Variants in CCT6B observed in about 807,000 individuals in gnomAD.
CCT6B encodes the protein probable T-complex protein 1 subunit zeta-2.
CCT6B carries 49 observed loss-of-function variants against 61.5 expected under a neutral mutation model. That is an observed-to-expected ratio of 0.80 (90% CI 0.63 to 1.01). The LOEUF (loss-of-function observed/expected upper bound fraction) is 1.01. CCT6B is among the 50% of genes least tolerant of loss of function. The probability of loss-of-function intolerance (pLI) is 0.00; values close to 1 mark genes in which losing one functional copy is unlikely to be tolerated. For missense variants in CCT6B, 666 were observed against 634.7 expected (o/e 1.05, Z -0.53); for synonymous variants, 228 against 214.5 (o/e 1.06, Z -0.55).
At chr17:34,930,418 A>G (rs1185145951) in intron 12 of CCT6B, among the ~76,000 whole-genome samples, 1 of 152,116 alleles carries the variant, frequency 6.6e-6, no homozygotes, top group Non-Finnish European at 1.5e-5. Flanking sequence ...CCTCAGAAAC[A>G]TCAGACACTG....
At chr17:34,934,134 GAAAAAAAAA>G (rs1280861242) in intron 10 of CCT6B, among the ~76,000 whole-genome samples, 1 of 75,824 alleles carries the variant, frequency 1.3e-5, no homozygotes, top group African/African-American at 4.9e-5. Flanking sequence ...GTTTCAAAAA[GAAAAAAAAA>G]AAAAAAAAAC....
chr17:34,932,568 A>C, intron 10 of CCT6B, 68 bp from the exon 11 acceptor site: 1 of 1,408,648 alleles, frequency 7.1e-7, no homozygotes, highest in Non-Finnish European at 9.6e-7. Flanking sequence ...AGAGACAGAA[A>C]AGCAATTCAC....
Position 34,954,419 on chromosome 17 carries a change from A to C in CCT6B, c.510+7T>G. The C allele has an allele frequency of 6.3e-7, 1 of 1,589,250 alleles. No individual in the cohort carries two copies. Among genetic ancestry groups the C allele is most frequent in the East Asian group, 2.3e-5 (1 of 44,158 alleles). ...TTTGTTCTGAATGCAAAAGTTTAAT[A>C]ACATACCTCTGTTAAGACATCAGCC... On this transcript the variant is annotated splice_region_variant and intron_variant, in intron 4 of 13. Coordinates refer to ENST00000314144, the MANE Select transcript of CCT6B (RefSeq NM_006584.4).
At chr17:34,933,373 T>C (rs2090058306) in intron 10 of CCT6B, among the ~76,000 whole-genome samples, 1 of 152,210 alleles carries the variant, frequency 6.6e-6, no homozygotes, top group African/African-American at 2.4e-5. Context: ...TTTATGACTC[T>C]TATTTAAATC....
intron 2 of CCT6B, 143 bp downstream of exon 2, chr17:34,959,444 T>C (rs574720920): frequency 2.1e-5 from 12 of 576,504 alleles, no homozygotes; most frequent in Admixed American, 9.5e-5. Context: ...AAAATTTTTT[T>C]ATTGAGGTCT....
Position 34,961,318 on chromosome 17 carries a change from C to T in CCT6B, c.76G>A (p.Ala26Thr). ...AGCACATCCTGCAGCCCTCGGGCGG[C>T]GCATATATTGACAGCCAAAGCTGCC... The part of the protein sequence containing the change: ...ARAALAVNIC[A>T]ARGLQDVLRT... Residue 26 changes from alanine to threonine, a missense_variant, in exon 1 of 14, where the codon GCC (alanine) becomes ACC (threonine). By Grantham distance (58) the Ala-to-Thr change is moderately conservative. Transcript: ENST00000314144. 6.2e-7 allele frequency: 1 copy of T among 1,613,084 alleles called. No homozygotes were observed.
chr17:34,930,480 ACATGGCTAATTTCCT>A (rs1176453932), intron 12 of CCT6B, among the ~76,000 whole-genome samples: 14 of 152,114 alleles, frequency 9.2e-5, no homozygotes, highest in African/African-American at 3.1e-4. Context: ...CCAGTTGCCT[ACATGGCTAATTTCCT>A]CACTTCCTTC....
chr17:34,928,080 T>C lies in CCT6B; in HGVS notation c.1561A>G (p.Ile521Val). 6.2e-7 allele frequency: 1 copy of C among 1,612,176 alleles called. No individual in the cohort carries two copies. Residue 521 changes from isoleucine to valine, a missense_variant, in exon 14 of 14, where the codon ATT becomes GTT. Ile to Val is a conservative substitution (Grantham distance 29, BLOSUM62 3). Coordinates refer to ENST00000314144, the MANE Select transcript of CCT6B (RefSeq NM_006584.4). ...AGAGAAGACATCCCAGCTCGCATAATTTCATCAACCAGGAGAATGTTGGTG... is the reference window on the plus strand; with the variant it reads ...AGAGAAGACATCCCAGCTCGCATAACTTCATCAACCAGGAGAATGTTGGTG... Reference protein sequence around the residue: ...IATNILLVDEIMRAGMSSLK With the variant: ...IATNILLVDEVMRAGMSSLK
intron 3 of CCT6B, among the ~76,000 whole-genome samples, chr17:34,955,220 CACG>C (rs1436891328): frequency 6.6e-6 from 1 of 152,134 alleles, no homozygotes; most frequent in East Asian, 1.9e-4. Context: ...ACTAAAGGAA[CACG>C]ACAACTGAGT....
intron 7 of CCT6B, among the ~76,000 whole-genome samples, chr17:34,941,114 A>G (rs2090159317): frequency 6.6e-6 from 1 of 152,170 alleles, no homozygotes; most frequent in Non-Finnish European, 1.5e-5. Flanking sequence ...TTCTTCTTTG[A>G]TACTATACCA....
chr17:34,945,325 A>G (rs1269325545), intron 5 of CCT6B, among the ~76,000 whole-genome samples: 1 of 152,190 alleles, frequency 6.6e-6, no homozygotes, highest in Non-Finnish European at 1.5e-5. Flanking sequence ...TTCCTAATCA[A>G]CATCTCCATA....
intron 10 of CCT6B, among the ~76,000 whole-genome samples, chr17:34,936,117 A>AT (rs1190009042): frequency 5.3e-5 from 8 of 151,902 alleles, no homozygotes; most frequent in Admixed American, 1.3e-4. Flanking sequence ...TGCCCAGCTA[A>AT]TTTTTTTATT....
At chr17:34,947,837 A>G (rs1219744707) in intron 5 of CCT6B, among the ~76,000 whole-genome samples, 3 of 151,798 alleles carry the variant, frequency 2.0e-5, no homozygotes, top group Non-Finnish European at 4.4e-5. Context: ...AAAAAATTAG[A>G]TGGGTGTGGT....
intron 5 of CCT6B, among the ~76,000 whole-genome samples, chr17:34,950,796 C>T (rs992483455): frequency 4.6e-5 from 7 of 151,764 alleles, no homozygotes; most frequent in African/African-American, 1.7e-4. Flanking sequence ...AGGCGTGGTG[C>T]CACACACCTG....
chr17:34,928,103 G>A lies in CCT6B; in HGVS notation c.1538C>T (p.Thr513Ile). 6.2e-7 allele frequency: 1 copy of A among 1,611,892 alleles called. No individual in the cohort carries two copies. Among genetic ancestry groups the A allele is most frequent in the South Asian group, 1.1e-5 (1 of 90,748 alleles). ...QLLHSCTVIA[T>I]NILLVDEIMR... ...AATTTCATCAACCAGGAGAATGTTG[G>A]TGGCAATCACTGTGCTAAGGAAAAA... The change falls in exon 14 of 14, where the codon ACC becomes ATC. Residue 513 changes from threonine to isoleucine, a missense_variant. Thr to Ile is a moderately conservative substitution (Grantham distance 89). Coordinates refer to ENST00000314144, the MANE Select transcript of CCT6B (RefSeq NM_006584.4).
chr17:34,936,357 G>A (rs2090093914), intron 10 of CCT6B, among the ~76,000 whole-genome samples: 1 of 152,164 alleles, frequency 6.6e-6, no homozygotes, highest in African/African-American at 2.4e-5. Flanking sequence ...GAGAAAGATT[G>A]AATGCTTTCC....
In CCT6B at chr17:34,928,102, G is replaced by T. The variant is rs1476965784; in HGVS notation, c.1539C>A (p.Thr513=). ...TAATTTCATCAACCAGGAGAATGTT[G>T]GTGGCAATCACTGTGCTAAGGAAAA... is the stretch of plus-strand genomic sequence containing the variant. ...QLLHSCTVIA[T]NILLVDEIMR... is the part of the protein sequence containing the mutation. The change falls in exon 14 of 14, where the codon ACC becomes ACA. Residue 513 remains threonine (T), a synonymous_variant. Coordinates refer to ENST00000314144, the MANE Select transcript of CCT6B (RefSeq NM_006584.4). The T allele has an allele frequency of 6.2e-7, 1 of 1,611,624 alleles. No individual in the cohort carries two copies. Among genetic ancestry groups the T allele is most frequent in the East Asian group, 2.2e-5 (1 of 44,712 alleles).
At chr17:34,935,382 T>C (rs1196953438) in intron 10 of CCT6B, among the ~76,000 whole-genome samples, 1 of 152,184 alleles carries the variant, frequency 6.6e-6, no homozygotes, top group Non-Finnish European at 1.5e-5. Flanking sequence ...ACTGTACACT[T>C]AAAAATTGTT....
At chr17:34,938,510 T>G (rs1197676368) in intron 10 of CCT6B, among the ~76,000 whole-genome samples, 1 of 152,120 alleles carries the variant, frequency 6.6e-6, no homozygotes, top group Non-Finnish European at 1.5e-5. Context: ...GAGCCATGAT[T>G]GTGCCACTGC....
Sources: allele counts gnomAD v4.1 joint callset (sites outside exome capture counted in the v4.1 genomes callset), GRCh38; gene constraint gnomAD v4.1.1; transcripts MANE v1.5; gene names NCBI Gene and HGNC (gene_info 2026-07-23, HGNC 2026-07-21).